Variants in MACROH2A2 observed in about 807,000 individuals in gnomAD.
MACROH2A2 encodes macroH2A.2 histone, also known as core histone macro-H2A.2.
MACROH2A2 carries 6 observed loss-of-function variants against 37.6 expected under a neutral mutation model. The observed-to-expected ratio is 0.16, with a 90% CI of 0.09 to 0.32. The LOEUF (loss-of-function observed/expected upper bound fraction) is 0.32. Ranked by LOEUF, MACROH2A2 falls within the 10% of genes least tolerant of loss-of-function variation. The pLI, the probability that MACROH2A2 is intolerant of heterozygous loss-of-function variation, is 1.00. For missense variants in MACROH2A2, 290 were observed against 485.9 expected (o/e 0.60, Z 3.79); for synonymous variants, 192 against 202.7 (o/e 0.95, Z 0.45).
rs755584378 is a variant in MACROH2A2, at chr10:70,109,203, G to A, written c.949G>A (p.Gly317Ser). 3.7e-6 allele frequency: 6 copies of A among 1,613,388 alleles called. No homozygotes were observed. Among genetic ancestry groups the A allele is most frequent in the East Asian group, 2.2e-5 (1 of 44,888 alleles). ...KSVAFPPFPS[G>S]RNCFPKQTAA... ...CGTCGCGTTCCCGCCTTTCCCCAGCGGCAGGTAAGATGCAGTTCCCCTGAG... is the reference window on the plus strand; with the variant it reads ...CGTCGCGTTCCCGCCTTTCCCCAGCAGCAGGTAAGATGCAGTTCCCCTGAG... Residue 317 changes from glycine to serine, a missense_variant, in exon 8 of 9, where the codon GGC becomes AGC. Gly to Ser is a moderately conservative substitution (Grantham distance 56, BLOSUM62 0). Around this residue, in one of 3 missense-constraint regions of MACROH2A2, gnomAD observed 130 missense variants for 257.1 expected, o/e 0.51. Transcript: ENST00000373255.
intron 1 of MACROH2A2, among the ~76,000 whole-genome samples, chr10:70,056,526 A>G (rs2072018351): frequency 6.6e-6 from 1 of 152,240 alleles, no homozygotes; most frequent in African/African-American, 2.4e-5. Flanking sequence ...ATAATACATA[A>G]TGATAATACA....
intron 2 of MACROH2A2, among the ~76,000 whole-genome samples, chr10:70,079,257 G>A (rs2072158611): frequency 6.6e-6 from 1 of 151,858 alleles, no homozygotes; most frequent in South Asian, 2.1e-4. Context: ...TCCCACCCCC[G>A]AGACTCTGGG....
At chr10:70,060,976 TA>T (rs531093214) in intron 1 of MACROH2A2, among the ~76,000 whole-genome samples, 468 of 128,870 alleles carry the variant, frequency 3.6e-3, no homozygotes, top group Admixed American at 4.9e-3. Context: ...AGACTCTGTC[TA>T]AAAAAAAAAA....
chr10:70,068,260 A>G (rs2072090045), intron 1 of MACROH2A2, among the ~76,000 whole-genome samples: 1 of 152,220 alleles, frequency 6.6e-6, no homozygotes, highest in Non-Finnish European at 1.5e-5. Flanking sequence ...GGGCCCTAGC[A>G]TAGAAATTCC....
intron 2 of MACROH2A2, among the ~76,000 whole-genome samples, chr10:70,088,132 G>A (rs1044390415): frequency 2.2e-4 from 33 of 150,906 alleles, no homozygotes; most frequent in Non-Finnish European, 4.1e-4. Flanking sequence ...ACATATGCCC[G>A]CCTGCACACT....
chr10:70,065,941 T>TA (rs984795113), intron 1 of MACROH2A2, among the ~76,000 whole-genome samples: 1 of 152,196 alleles, frequency 6.6e-6, no homozygotes, highest in African/African-American at 2.4e-5. Context: ...ATTTTGACAC[T>TA]AAAAATGTTA....
At position 70,108,917 on chromosome 10, in the gene MACROH2A2, A is replaced by G. The variant is rs1305333262; in HGVS notation, c.779-116A>G. 14 of 889,414 alleles carry G rather than the reference A, an allele frequency of 1.6e-5. No individual in the cohort carries two copies. In the Admixed American group the frequency reaches 2.3e-4, roughly 14 times the overall value. 55.1% of individuals were successfully genotyped at this position (889,414 alleles called of 1,614,324 possible). On this transcript the variant is annotated intron_variant, in intron 7 of 8. Transcript: ENST00000373255. The stretch of plus-strand genomic sequence containing the variant: ...ACATCAGGAGCACAGGATGCTGCCC[A>G]GCCAACGTCTCTATCACTGCCTTAT...
chr10:70,109,354 T>A, intron 8 of MACROH2A2, 147 bp downstream of exon 8: 1 of 689,542 alleles, frequency 1.5e-6, no homozygotes, highest in Non-Finnish European at 2.5e-6. Flanking sequence ...AACCCGGTTT[T>A]CATCCTTCAG....
rs2072137047 is a variant in MACROH2A2 at position 70,075,896 on chromosome 10, C to A, written c.172+66C>A. The A allele has an allele frequency of 1.4e-6, 2 of 1,387,876 alleles. No homozygotes were observed. Among genetic ancestry groups the A allele is most frequent in the African/African-American group, 1.4e-5 (1 of 70,556 alleles). 86.0% of individuals were successfully genotyped at this position (1,387,876 alleles called of 1,614,324 possible). On this transcript the variant is annotated intron_variant, in intron 2 of 8. Coordinates refer to ENST00000373255, the MANE Select transcript of MACROH2A2 (RefSeq NM_018649.3). The surrounding 1 kb of genome is among the most constrained non-coding windows in gnomAD (Gnocchi z 5.0). ...CCCACCCTCCCCTGGGTCCCCCTCG[C>A]AGGCTGGGGAGGGATGCTCCAAATT...
At chr10:70,066,782 C>T (rs973320228) in intron 1 of MACROH2A2, among the ~76,000 whole-genome samples, 3 of 152,186 alleles carry the variant, frequency 2.0e-5, no homozygotes, top group Admixed American at 6.5e-5. Flanking sequence ...AAGACATGCA[C>T]GTACACGGAG....
At chr10:70,072,880 C>A (rs1411513315) in intron 1 of MACROH2A2, among the ~76,000 whole-genome samples, 1 of 152,094 alleles carries the variant, frequency 6.6e-6, no homozygotes, top group Non-Finnish European at 1.5e-5. Flanking sequence ...TCGTTTGAAC[C>A]CCAGAGGCAG....
Position 70,053,174 on chromosome 10 carries a change from C to G in MACROH2A2, c.-60+174C>G, listed in dbSNP as rs889802267. On this transcript the variant is annotated intron_variant, in intron 1 of 8. Coordinates refer to ENST00000373255, the MANE Select transcript of MACROH2A2 (RefSeq NM_018649.3). The surrounding 1 kb of genome is among the most constrained non-coding windows in gnomAD (Gnocchi z 4.8). ...CCTCTGCAAAAACAAATTCTTAAAT[C>G]CAGCTGCCCAACTTGCTTCCTTGGG... Among the ~76,000 whole-genome samples the G allele has an allele frequency of 6.6e-6, 1 of 152,188 alleles. No homozygotes were observed. Among genetic ancestry groups the G allele is most frequent in the African/African-American group, 2.4e-5 (1 of 41,446 alleles).
At position 70,053,853 on chromosome 10, in the gene MACROH2A2, A is replaced by C. The variant is rs1424934388; in HGVS notation, c.-60+853A>C. ...ATAATAATAATAAAAATATCGAAAA[A>C]GGGAATAAAAGTAAACTGGCTGCGG... is the stretch of plus-strand genomic sequence containing the variant. On this transcript the variant is annotated intron_variant, in intron 1 of 8. Coordinates refer to ENST00000373255, the MANE Select transcript of MACROH2A2 (RefSeq NM_018649.3). The surrounding 1 kb of genome is among the most constrained non-coding windows in gnomAD (Gnocchi z 4.8). 1.3e-5 allele frequency among the ~76,000 whole-genome samples: 2 copies of C among 152,092 alleles called. No individual in the cohort carries two copies. Among genetic ancestry groups the C allele is most frequent in the Non-Finnish European group, 2.9e-5 (2 of 68,004 alleles).
chr10:70,100,332 G>A (rs761609291), intron 7 of MACROH2A2, 35 bp downstream of exon 7: 19 of 1,173,578 alleles, frequency 1.6e-5, no homozygotes, highest in Non-Finnish European at 1.9e-5. Context: ...CACCAGCATG[G>A]CCTCACCCTC....
chr10:70,091,673 CAAAAAAAA>C (rs571416539), intron 3 of MACROH2A2, 76 bp from the exon 4 acceptor site: 34 of 695,310 alleles, frequency 4.9e-5, no homozygotes, highest in Non-Finnish European at 7.4e-5. Context: ...GATTCTGTAT[CAAAAAAAA>C]AAAAAAAAAA....
chr10:70,057,974 C>T (rs1262779753), intron 1 of MACROH2A2, among the ~76,000 whole-genome samples: 4 of 152,146 alleles, frequency 2.6e-5, no homozygotes, highest in Admixed American at 2.0e-4. Context: ...CAGCATGACC[C>T]CAAAGCCCTA....
intron 1 of MACROH2A2, among the ~76,000 whole-genome samples, chr10:70,072,962 A>G (rs868464893): frequency 1.3e-5 from 2 of 152,106 alleles, no homozygotes; most frequent in Non-Finnish European, 2.9e-5. Context: ...TTCCCAAACA[A>G]CAACAACAAC....
At chr10:70,102,378 G>A (rs1238308092) in intron 7 of MACROH2A2, among the ~76,000 whole-genome samples, 1 of 152,204 alleles carries the variant, frequency 6.6e-6, no homozygotes, top group Non-Finnish European at 1.5e-5. Context: ...GGACATGAGG[G>A]CACTTGGAAG....
chr10:70,062,181 T>C (rs2072054338), intron 1 of MACROH2A2, among the ~76,000 whole-genome samples: 1 of 152,240 alleles, frequency 6.6e-6, no homozygotes, highest in Non-Finnish European at 1.5e-5. Flanking sequence ...CAATGTATAG[T>C]TAATATATTT....
Sources: allele counts gnomAD v4.1 joint callset (sites outside exome capture counted in the v4.1 genomes callset), GRCh38; gene constraint gnomAD v4.1.1; regional missense constraint gnomAD v4.1.1; non-coding constraint Gnocchi (gnomAD v3.1); transcripts MANE v1.5; gene names NCBI Gene and HGNC (gene_info 2026-07-23, HGNC 2026-07-21).